Variants in TTLL12 observed in about 807,000 individuals in gnomAD.
TTLL12 encodes the protein tubulin--tyrosine ligase-like protein 12.
Under a neutral mutation model 79.6 loss-of-function variants are expected in TTLL12, and 77 were observed. The ratio of observed to expected loss-of-function variants is 0.97; its 90% CI spans 0.81 to 1.17. The LOEUF (loss-of-function observed/expected upper bound fraction) is 1.17. TTLL12 is among the 50% of genes most tolerant of loss of function. TTLL12 has a pLI of 0.00. For synonymous variants in TTLL12, 437 were observed against 376.1 expected, an observed-to-expected ratio of 1.16 and a Z score of -1.87; for missense variants, 969 against 895.9, an observed-to-expected ratio of 1.08 and a Z score of -1.04.
rs1051866255 is a variant in TTLL12, at chr22:43,172,459, T to A, written c.1437A>T (p.Ser479=). 2 of 1,614,192 alleles carry A rather than the reference T, an allele frequency of 1.2e-6. No individual in the cohort carries two copies. Among genetic ancestry groups the A allele is most frequent in the Non-Finnish European group, 8.5e-7 (1 of 1,180,046 alleles). ...ACACGAACAACCGTAGGGGCCTCAC[T>A]GACCGCAGCAGCACGATGTAGCGGA... ...FDIRYIVLLR[S]VRPLRLFVYD... is the part of the protein sequence containing the mutation. Residue 479 remains serine (S), a synonymous_variant, in exon 10 of 14, where the codon TCA becomes TCT. Coordinates refer to ENST00000216129, the MANE Select transcript of TTLL12 (RefSeq NM_015140.4).
At chr22:43,186,189 A>AGCCCCC in intron 1 of TTLL12, among the ~76,000 whole-genome samples, 2 of 82,206 alleles carry the variant, frequency 2.4e-5, no homozygotes, top group South Asian at 4.0e-4. Flanking sequence ...TAAAGAAAAC[A>AGCCCCC]CCCCCCCCCC....
At chr22:43,172,319 TCCAAA>T (rs1415454170) in intron 10 of TTLL12, 79 bp downstream of exon 10, 2 of 1,538,654 alleles carry the variant, frequency 1.3e-6, no homozygotes, top group Non-Finnish European at 1.8e-6. Context: ...ATTTTCTGAT[TCCAAA>T]AAGGGCCCAT....
chr22:43,174,315 C>G lies in TTLL12; in HGVS notation c.1123G>C (p.Ala375Pro). 1 of 1,610,140 alleles carries G rather than the reference C, an allele frequency of 6.2e-7. No individual in the cohort carries two copies. Among genetic ancestry groups the G allele is most frequent in the Non-Finnish European group, 8.5e-7 (1 of 1,178,700 alleles). The stretch of plus-strand genomic sequence containing the variant: ...CCCTCGGGGCCACCTGCCCGGCGCG[C>G]GATGGAGGCCAGGCAGTCCTTGACA... The part of the protein sequence containing the change: ...LTVKDCLASI[A>P]RRAGGPEGPP... Residue 375 changes from alanine (A) to proline (P), a missense_variant, in exon 8 of 14, where the codon GCG (alanine) becomes CCG (proline). Coordinates refer to ENST00000216129, the MANE Select transcript of TTLL12 (RefSeq NM_015140.4).
chr22:43,180,589 C>T (rs539939463), intron 3 of TTLL12, among the ~76,000 whole-genome samples, 153 bp downstream of exon 3: 30 of 152,094 alleles, frequency 2.0e-4, no homozygotes, highest in African/African-American at 2.7e-4. Flanking sequence ...CAGCTGGGTC[C>T]GAGTCCCCAG....
At chr22:43,184,939 C>T (rs548367969) in intron 1 of TTLL12, among the ~76,000 whole-genome samples, 84 of 152,240 alleles carry the variant, frequency 5.5e-4, no homozygotes, top group African/African-American at 1.9e-3. Context: ...ATTTTAAAAA[C>T]ATCTCTTCGG....
In TTLL12 at chr22:43,179,936, G is replaced by A. The variant is rs907580452; in HGVS notation, c.611C>T (p.Ala204Val). ...MDEFGSRIQH[A>V]DVPSFATAPF... ...TGCCGTGGCGAAGCTGGGCACGTCC[G>A]CGTGCTGGATCCGCGAACCGAACTC... Residue 204 changes from alanine to valine, a missense_variant, in exon 4 of 14, where the codon GCG becomes GTG. Transcript: ENST00000216129. 19 of 1,610,746 alleles carry A rather than the reference G, an allele frequency of 1.2e-5. No homozygotes were observed. The highest frequency in any genetic ancestry group is 4.0e-5 in the African/African-American group (3 of 74,920).
intron 2 of TTLL12, among the ~76,000 whole-genome samples, chr22:43,181,675 T>C (rs930566097): frequency 3.5e-4 from 53 of 152,362 alleles, no homozygotes; most frequent in African/African-American, 1.3e-3. Flanking sequence ...AGGTGCCTAA[T>C]AGACAAAGCC....
intron 6 of TTLL12, chr22:43,175,417 A>C (rs932482483): frequency 1.3e-5 from 2 of 152,240 alleles, no homozygotes. Flanking sequence ...CTGGCCAGCA[A>C]AGGCTCCCTG....
chr22:43,168,639 T>C, intron 13 of TTLL12, 135 bp downstream of exon 13: 1 of 1,309,656 alleles, frequency 7.6e-7, no homozygotes, highest in Non-Finnish European at 1.0e-6. Context: ...AAGCCAGGGC[T>C]TTCCCCAACC....
chr22:43,182,466 T>C (rs1267178022), intron 2 of TTLL12, among the ~76,000 whole-genome samples: 1 of 152,218 alleles, frequency 6.6e-6, no homozygotes, highest in Non-Finnish European at 1.5e-5. Flanking sequence ...CCTGCAGGCC[T>C]GACCTAGGGA....
chr22:43,175,963 C>G (rs945254939), intron 6 of TTLL12, among the ~76,000 whole-genome samples: 1 of 151,076 alleles, frequency 6.6e-6, no homozygotes, highest in Admixed American at 6.6e-5. Flanking sequence ...GCTGGGATTA[C>G]AGGCATGAAC....
At chr22:43,175,139 G>A (rs1005431263) in intron 6 of TTLL12, 2 of 152,564 alleles carry the variant, frequency 1.3e-5, no homozygotes, top group Non-Finnish European at 2.9e-5. Flanking sequence ...CCGGTGGAGG[G>A]GGCAGAGTGG....
chr22:43,174,997 G>A (rs956253134), intron 6 of TTLL12, among the ~76,000 whole-genome samples: 4 of 152,246 alleles, frequency 2.6e-5, no homozygotes, highest in African/African-American at 7.2e-5. Flanking sequence ...AAGGGCCTCC[G>A]TGAGGCCTCT....
At chr22:43,186,807 G>T in intron 1 of TTLL12, 86 bp downstream of exon 1, 1 of 1,180,828 alleles carries the variant, frequency 8.5e-7, no homozygotes, top group Non-Finnish European at 1.1e-6. Flanking sequence ...CCCGCCGCCC[G>T]GGAGCGCTCT....
chr22:43,183,476 A>G (rs1229407523), intron 1 of TTLL12, among the ~76,000 whole-genome samples: 1 of 152,134 alleles, frequency 6.6e-6, no homozygotes, highest in Non-Finnish European at 1.5e-5. Context: ...CCCCACTCAC[A>G]TTACACAGAA....
At chr22:43,184,936 A>G (rs990913469) in intron 1 of TTLL12, among the ~76,000 whole-genome samples, 1 of 152,154 alleles carries the variant, frequency 6.6e-6, no homozygotes, top group Non-Finnish European at 1.5e-5. Flanking sequence ...GACATTTTAA[A>G]AACATCTCTT....
intron 1 of TTLL12, among the ~76,000 whole-genome samples, chr22:43,185,594 C>T (rs1054098190): frequency 1.1e-4 from 17 of 152,132 alleles, no homozygotes; most frequent in African/African-American, 3.4e-4. Flanking sequence ...GGGCAGGGGA[C>T]GTGGCACGGT....
At chr22:43,183,764 T>A (rs891371446) in intron 1 of TTLL12, among the ~76,000 whole-genome samples, 1 of 152,240 alleles carries the variant, frequency 6.6e-6, no homozygotes, top group African/African-American at 2.4e-5. Flanking sequence ...TGACCTCTTC[T>A]GGTGTGTGTG....
chr22:43,183,069 C>T lies in TTLL12; in HGVS notation c.258G>A (p.Val86=), dbSNP rs899059512. 2.5e-6 allele frequency: 4 copies of T among 1,613,898 alleles called. No homozygotes were observed. The highest frequency in any genetic ancestry group is 2.2e-5 in the South Asian group (2 of 91,090). Residue 86 remains valine, a synonymous_variant, in exon 2 of 14, where the codon GTG becomes GTA. Transcript: ENST00000216129. ...TCCCCGGGTTGGGCTGCTGCTTCCG[C>T]ACCTCCCGGGCTGCCTCGTCCTCCT... ...EEEEDEAARE[V]RKQQPNPGNE... is the part of the protein sequence containing the mutation.
Sources: gnomAD v4.1 joint callset for allele counts (sites outside exome capture counted in the v4.1 genomes callset) on GRCh38, gnomAD v4.1.1 for gene constraint, MANE v1.5 for transcripts, NCBI Gene and HGNC (gene_info 2026-07-23, HGNC 2026-07-21) for gene names.